The following NLGN1 variants were observed in gnomAD, a reference collection of about 807,000 sequenced individuals.
NLGN1 encodes neuroligin-1.
NLGN1 carries 12 observed loss-of-function variants against 65.5 expected under a neutral mutation model. The ratio of observed to expected loss-of-function variants is 0.18; its 90% confidence interval spans 0.12 to 0.30. The LOEUF (loss-of-function observed/expected upper bound fraction) is 0.30. NLGN1 is among the 10% of genes least tolerant of loss of function. The probability of loss-of-function intolerance (pLI) is 1.00; values close to 1 mark genes in which losing one functional copy is unlikely to be tolerated. For synonymous variants in NLGN1, 350 were observed against 359.5 expected (o/e 0.97, Z 0.30); for missense variants, 750 against 1,007.1 (o/e 0.74, Z 3.46).
At chr3:173,512,012 G>A (rs1733061768) in intron 2 of NLGN1, among the ~76,000 whole-genome samples, 2 of 152,172 alleles carry the variant, frequency 1.3e-5, no homozygotes, top group South Asian at 4.1e-4. Flanking sequence ...GTGGAAGCAT[G>A]CAAACAAACA....
intron 4 of NLGN1, among the ~76,000 whole-genome samples, chr3:174,210,603 CTT>C (rs1254985425): frequency 6.6e-6 from 1 of 152,136 alleles, no homozygotes; most frequent in Non-Finnish European, 1.5e-5. Context: ...TCTTCCATCT[CTT>C]TATTAATAAT....
chr3:173,766,216 G>A, intron 3 of NLGN1, among the ~76,000 whole-genome samples: 1 of 151,632 alleles, frequency 6.6e-6, no homozygotes, highest in Non-Finnish European at 1.5e-5. Flanking sequence ...AGCCTCCCGA[G>A]TAGGTGGGAT....
intron 3 of NLGN1, among the ~76,000 whole-genome samples, chr3:173,747,275 G>GA (rs1553831473): frequency 4.6e-5 from 6 of 129,954 alleles, no homozygotes; most frequent in African/African-American, 8.9e-5. Flanking sequence ...ATATCTTTAA[G>GA]TATATATATT....
chr3:174,272,817 A>G (rs975194543), intron 4 of NLGN1, among the ~76,000 whole-genome samples: 1 of 151,668 alleles, frequency 6.6e-6, no homozygotes, highest in East Asian at 1.9e-4. Flanking sequence ...AGCTTGACTG[A>G]GTAATCTTGG....
At chr3:173,662,998 G>A (rs1761152650) in intron 3 of NLGN1, among the ~76,000 whole-genome samples, 1 of 151,988 alleles carries the variant, frequency 6.6e-6, no homozygotes, top group African/African-American at 2.4e-5. Flanking sequence ...GAAGTTGTAA[G>A]TCAGTTTATT....
chr3:173,986,122 A>C (rs1297045885), intron 4 of NLGN1, among the ~76,000 whole-genome samples: 1 of 152,204 alleles, frequency 6.6e-6, no homozygotes, highest in Non-Finnish European at 1.5e-5. Flanking sequence ...ACATGAAGTC[A>C]TACGGGAGTA....
At chr3:173,837,093 AT>A (rs1723765027) in intron 4 of NLGN1, among the ~76,000 whole-genome samples, 1 of 152,260 alleles carries the variant, frequency 6.6e-6, no homozygotes, top group South Asian at 2.1e-4. Context: ...TATTTACATG[AT>A]GGACTGATAA....
chr3:173,433,561 T>C (rs1717582265), intron 1 of NLGN1, among the ~76,000 whole-genome samples: 1 of 152,176 alleles, frequency 6.6e-6, no homozygotes, highest in Non-Finnish European at 1.5e-5. Context: ...ATAATTTCAT[T>C]GTTAACTTTC....
intron 4 of NLGN1, among the ~76,000 whole-genome samples, chr3:173,870,128 CT>C (rs1730898322): frequency 6.6e-6 from 1 of 152,120 alleles, no homozygotes; most frequent in African/African-American, 2.4e-5. Context: ...GACATCCTTA[CT>C]TTTGTGTCAA....
At chr3:174,131,423 T>C (rs759279562) in intron 4 of NLGN1, among the ~76,000 whole-genome samples, 82 of 152,282 alleles carry the variant, frequency 5.4e-4, no homozygotes, top group Non-Finnish European at 3.1e-4. Flanking sequence ...CTCTTTATTG[T>C]GGATGATGAG....
In NLGN1 at chr3:174,279,849, T is replaced by G. The variant is rs1214879835; in HGVS notation, c.1649+199T>G. On this transcript the variant is annotated intron_variant, in intron 6 of 6. Transcript: ENST00000457714. This position sits in a 1 kb window ranked among gnomAD's most constrained non-coding sequence, Gnocchi z 4.7. ...TTATTTCTGGTGTTTTAGAAGCTTG[T>G]TAAGAAAGCACATATCTCAATTGCA... Among the ~76,000 whole-genome samples, 1 of 151,972 alleles carries G rather than the reference T, an allele frequency of 6.6e-6. No homozygotes were observed. Among genetic ancestry groups the G allele is most frequent in the Non-Finnish European group, 1.5e-5 (1 of 67,938 alleles).
intron 4 of NLGN1, among the ~76,000 whole-genome samples, chr3:174,254,927 T>G (rs1745406635): frequency 6.6e-6 from 1 of 152,194 alleles, no homozygotes; most frequent in South Asian, 2.1e-4. Flanking sequence ...CTACTTTTTT[T>G]CCAGAATCAA....
intron 2 of NLGN1, among the ~76,000 whole-genome samples, chr3:173,579,112 C>T (rs966901442): frequency 4.6e-5 from 7 of 152,198 alleles, no homozygotes; most frequent in African/African-American, 1.7e-4. Flanking sequence ...AAGAGTCCCT[C>T]TGTAAATATC....
At chr3:174,131,118 T>C (rs2152670975) in intron 4 of NLGN1, among the ~76,000 whole-genome samples, 1 of 152,312 alleles carries the variant, frequency 6.6e-6, no homozygotes, top group South Asian at 2.1e-4. Flanking sequence ...TAAAGCATCA[T>C]TACACACTTT....
intron 4 of NLGN1, among the ~76,000 whole-genome samples, chr3:173,958,559 G>A (rs1560723850): frequency 6.6e-6 from 1 of 152,142 alleles, no homozygotes; most frequent in East Asian, 1.9e-4. Flanking sequence ...ACAGTCTGGG[G>A]TTTTTATGGG....
chr3:174,092,193 G>C (rs1348361414), intron 4 of NLGN1, among the ~76,000 whole-genome samples: 1 of 152,192 alleles, frequency 6.6e-6, no homozygotes, highest in Non-Finnish European at 1.5e-5. Context: ...TTCAGAGCTT[G>C]TAAGACGGTA....
chr3:174,070,298 T>G (rs189872736), intron 4 of NLGN1, among the ~76,000 whole-genome samples: 170 of 152,034 alleles, frequency 1.1e-3, no homozygotes, highest in Middle Eastern at 6.9e-3. Flanking sequence ...ATTTGCAAGA[T>G]AGTTCATAAC....
chr3:173,645,115 T>C (rs1758039121), intron 3 of NLGN1, among the ~76,000 whole-genome samples: 1 of 152,220 alleles, frequency 6.6e-6, no homozygotes, highest in African/African-American at 2.4e-5. Context: ...CATCTGGATT[T>C]AGTTGGACTT....
intron 4 of NLGN1, among the ~76,000 whole-genome samples, chr3:174,004,461 A>G (rs151232378): frequency 1.3e-5 from 2 of 152,232 alleles, no homozygotes; most frequent in Non-Finnish European, 2.9e-5. Flanking sequence ...TAGTATCTTC[A>G]AATTTTATAT....
Sources: gnomAD v4.1 joint callset for allele counts (sites outside exome capture counted in the v4.1 genomes callset) on GRCh38, gnomAD v4.1.1 for gene constraint, Gnocchi (gnomAD v3.1) non-coding constraint, MANE v1.5 for transcripts, NCBI Gene and HGNC (gene_info 2026-07-23, HGNC 2026-07-21) for gene names.